INTS7: variants seen among roughly 807,000 people sequenced by gnomAD.
The protein encoded by INTS7 is integrator complex subunit 7, also known as chromosome 1 open reading frame 73.
A neutral mutation model predicts 109.2 loss-of-function variants in INTS7; 46 were observed. The ratio of observed to expected loss-of-function variants is 0.42; its 90% CI spans 0.33 to 0.54. The LOEUF (loss-of-function observed/expected upper bound fraction) is 0.54, where lower values mean the gene tolerates loss of function less well. Ranked by LOEUF, INTS7 falls within the 20% of genes least tolerant of loss-of-function variation. The pLI, the probability that INTS7 is intolerant of heterozygous loss-of-function variation, is 0.07. For synonymous variants in INTS7, 412 were observed against 402.9 expected, an observed-to-expected ratio of 1.02 and a Z score of -0.27; for missense variants, 929 against 1,132.4, an observed-to-expected ratio of 0.82 and a Z score of 2.58.
At chr1:212,017,669 C>G (rs1265913409) in intron 3 of INTS7, among the ~76,000 whole-genome samples, 1 of 152,162 alleles carries the variant, frequency 6.6e-6, no homozygotes, top group Non-Finnish European at 1.5e-5. Context: ...ATCCTTTCAG[C>G]AGAAAGGCAT....
chr1:211,988,931 A>G (rs74933567), intron 7 of INTS7, among the ~76,000 whole-genome samples: 3 of 152,358 alleles, frequency 2.0e-5, no homozygotes, highest in Non-Finnish European at 4.4e-5. Context: ...GCAGTGAACT[A>G]TGAATACATA....
rs1014971457 is a variant in INTS7, at chr1:211,980,276, G to C, written c.1230+817C>G. 3.9e-5 allele frequency among the ~76,000 whole-genome samples: 6 copies of C among 152,148 alleles called. No homozygotes were observed. In the East Asian group the frequency reaches 1.2e-3, roughly 29 times the overall value. On this transcript the variant is annotated intron_variant, in intron 10 of 19. Coordinates refer to ENST00000366994, the MANE Select transcript of INTS7 (RefSeq NM_015434.4). ...ACAACTTTCCTTAACCTGCTAAAATGAGCCATGACTTCCTTGAAACCACAC... is the reference window on the plus strand; with the variant it reads ...ACAACTTTCCTTAACCTGCTAAAATCAGCCATGACTTCCTTGAAACCACAC...
intron 13 of INTS7, among the ~76,000 whole-genome samples, chr1:211,969,795 T>G (rs12740081): frequency 1.3e-5 from 2 of 149,448 alleles, no homozygotes; most frequent in African/African-American, 2.4e-5. Flanking sequence ...CTCGGCTCAC[T>G]GCAAGCTCCG....
intron 4 of INTS7, among the ~76,000 whole-genome samples, chr1:212,015,710 T>TAAAAAAAAAAAA (rs58204818): frequency 1.7e-4 from 6 of 34,978 alleles, no homozygotes; most frequent in Admixed American, 8.1e-4. Flanking sequence ...CAATAAATAC[T>TAAAAAAAAAAAA]AAAAAAAAAA....
intron 12 of INTS7, among the ~76,000 whole-genome samples, chr1:211,975,606 C>T (rs1664385049): frequency 6.6e-6 from 1 of 152,012 alleles, no homozygotes; most frequent in Non-Finnish European, 1.5e-5. Context: ...AAAACAGTTC[C>T]GAAAGAGAAA....
At chr1:211,969,667 C>A (rs1056184772) in intron 13 of INTS7, among the ~76,000 whole-genome samples, 10 of 150,864 alleles carry the variant, frequency 6.6e-5, no homozygotes, top group Non-Finnish European at 1.3e-4. Flanking sequence ...ATTATCCCCC[C>A]ACCTGAGTTT....
intron 5 of INTS7, among the ~76,000 whole-genome samples, chr1:212,008,241 G>A (rs1381224706): frequency 1.3e-5 from 2 of 152,168 alleles, no homozygotes; most frequent in Non-Finnish European, 2.9e-5. Context: ...GGAAAAGAAT[G>A]AGATCAGAGT....
chr1:212,014,980 T>C (rs1666345613), intron 4 of INTS7, among the ~76,000 whole-genome samples: 2 of 149,660 alleles, frequency 1.3e-5, no homozygotes, highest in Non-Finnish European at 3.0e-5. Context: ...GAGGAGCGTC[T>C]CTAACCGGCC....
chr1:211,961,762 G>A (rs1388329837), intron 16 of INTS7, among the ~76,000 whole-genome samples: 2 of 152,014 alleles, frequency 1.3e-5, no homozygotes, highest in African/African-American at 2.4e-5. Flanking sequence ...TTCCAACCAA[G>A]AAATTCATAT....
intron 4 of INTS7, among the ~76,000 whole-genome samples, chr1:212,014,655 C>T (rs1666325748): frequency 1.3e-5 from 2 of 149,350 alleles, no homozygotes; most frequent in South Asian, 4.5e-4. Context: ...GCCTGATTCT[C>T]CTGCCTCAGC....
At chr1:212,028,297 A>C (rs960262490) in intron 1 of INTS7, among the ~76,000 whole-genome samples, 1 of 152,256 alleles carries the variant, frequency 6.6e-6, no homozygotes, top group African/African-American at 2.4e-5. Context: ...CAAGTTTTAC[A>C]AATCATACTT....
chr1:211,959,438 G>C lies in INTS7; in HGVS notation c.2184-6737C>G, dbSNP rs752327674. 2.0e-5 allele frequency among the ~76,000 whole-genome samples: 3 copies of C among 152,152 alleles called. No homozygotes were observed. The highest frequency in any genetic ancestry group is 2.9e-5 in the Non-Finnish European group (2 of 68,002). ...CTGTGCTTGTGGACTGCGCCTAACTGGTAGTGAGCTCCAGCACAGCGGCCC... is the reference window on the plus strand; with the variant it reads ...CTGTGCTTGTGGACTGCGCCTAACTCGTAGTGAGCTCCAGCACAGCGGCCC... On this transcript the variant is annotated intron_variant, in intron 16 of 19. Transcript: ENST00000366994. This position sits in a 1 kb window ranked among gnomAD's most constrained non-coding sequence, Gnocchi z 4.2.
intron 7 of INTS7, among the ~76,000 whole-genome samples, chr1:211,989,783 C>T (rs1373558427): frequency 1.3e-5 from 2 of 148,262 alleles, no homozygotes; most frequent in African/African-American, 2.5e-5. Context: ...GATCGCGCCA[C>T]TGTATTCCAG....
chr1:211,952,625 G>A lies in INTS7; in HGVS notation c.2260C>T (p.His754Tyr). The A allele has an allele frequency of 1.2e-6, 2 of 1,612,244 alleles. No individual in the cohort carries two copies. Among genetic ancestry groups the A allele is most frequent in the Non-Finnish European group, 1.7e-6 (2 of 1,178,556 alleles). ...YERRMMSVYN[H>Y]VLEEVESLNR... is the part of the protein sequence containing the mutation. ...AGTGATTCTACCTCCTCCAAGACATGATTATATACAGACATCATTCTTCTT... is the reference window on the plus strand; with the variant it reads ...AGTGATTCTACCTCCTCCAAGACATAATTATATACAGACATCATTCTTCTT... Residue 754 changes from histidine (H) to tyrosine (Y), a missense_variant, in exon 17 of 20, where the codon CAT becomes TAT. His to Tyr is a moderately conservative substitution (Grantham distance 83). Around this residue, in one of 2 missense-constraint regions of INTS7, gnomAD observed 787 missense variants for 901.1 expected, o/e 0.87. Coordinates refer to ENST00000366994, the MANE Select transcript of INTS7 (RefSeq NM_015434.4).
intron 5 of INTS7, among the ~76,000 whole-genome samples, chr1:212,008,087 C>G (rs1438098922): frequency 6.6e-6 from 1 of 152,218 alleles, no homozygotes; most frequent in Admixed American, 6.5e-5. Flanking sequence ...ATACATGCCA[C>G]AAGCTAATTA....
At position 211,966,513 on chromosome 1, in the gene INTS7, A is replaced by G; in HGVS notation, c.2115-15T>C. 6.4e-7 allele frequency: 1 copy of G among 1,564,030 alleles called. No individual in the cohort carries two copies. Among genetic ancestry groups the G allele is most frequent in the Non-Finnish European group, 8.8e-7 (1 of 1,141,492 alleles). ...TCTGCTGCTGTCTGGATTGATGTTA[A>G]GGTTACATACGAAAATAGAGAAGAA... On this transcript the variant is annotated splice_polypyrimidine_tract_variant and intron_variant, in intron 15 of 19. Transcript: ENST00000366994.
chr1:212,003,955 G>A (rs1366838946), intron 7 of INTS7, among the ~76,000 whole-genome samples: 1 of 152,146 alleles, frequency 6.6e-6, no homozygotes, highest in Non-Finnish European at 1.5e-5. Context: ...AAAATAAAAT[G>A]GTAGATTTAA....
intron 7 of INTS7, among the ~76,000 whole-genome samples, chr1:211,989,871 T>C (rs1473423240): frequency 6.7e-6 from 1 of 150,306 alleles, no homozygotes; most frequent in Non-Finnish European, 1.5e-5. Context: ...TCAATAAAAA[T>C]TTGGTATTTC....
chr1:211,984,994 T>A (rs1664834106), intron 8 of INTS7, among the ~76,000 whole-genome samples: 1 of 152,224 alleles, frequency 6.6e-6, no homozygotes, highest in East Asian at 1.9e-4. Context: ...TTATATAAAA[T>A]GGTGCTCAGA....
Sources: allele counts gnomAD v4.1 joint callset (sites outside exome capture counted in the v4.1 genomes callset), GRCh38; gene constraint gnomAD v4.1.1; regional missense constraint gnomAD v4.1.1; non-coding constraint Gnocchi (gnomAD v3.1); transcripts MANE v1.5; gene names NCBI Gene and HGNC (gene_info 2026-07-23, HGNC 2026-07-21).